The following SMC2 variants were observed in gnomAD, a reference collection of about 807,000 sequenced individuals.
SMC2 encodes the protein structural maintenance of chromosomes 2.
Under a neutral mutation model 142.6 loss-of-function variants are expected in SMC2, and 41 were observed. That is an observed-to-expected ratio of 0.29 (90% CI 0.22 to 0.37). The LOEUF (loss-of-function observed/expected upper bound fraction) is 0.37, where lower values mean the gene tolerates loss of function less well. Ranked by LOEUF, SMC2 falls within the 10% of genes least tolerant of loss-of-function variation. The pLI is 1.00. For missense variants in SMC2, 1,265 were observed against 1,373.7 expected, an observed-to-expected ratio of 0.92 and a Z score of 1.25; for synonymous variants, 463 against 457.5, an observed-to-expected ratio of 1.01 and a Z score of -0.15.
At chr9:104,090,514 GA>G (rs553852584), upstream of SMC2, among the ~76,000 whole-genome samples, 53 of 146,768 alleles carry the variant, frequency 3.6e-4, no homozygotes, top group African/African-American at 1.0e-3. Context: ...GATAGGGTGG[GA>G]AAAAAAAAAC....
rs774619405 is a variant in SMC2, at chr9:104,127,410, A to T, written c.2720A>T (p.Gln907Leu). The change falls in exon 20 of 25, where the codon CAG (glutamine) becomes CTG (leucine). Residue 907 changes from glutamine (Q) to leucine (L), a missense_variant. Transcript: ENST00000374793. ...AKHKEQNNDS[Q>L]LKIKELDHNI... ...CACAAGGAGCAAAACAATGATTCTC[A>T]GCTTAAAATTAAGGAATTAGACCAC... The T allele has an allele frequency of 6.2e-7, 1 of 1,613,426 alleles. No homozygotes were observed. The highest frequency in any genetic ancestry group is 2.2e-5 in the East Asian group (1 of 44,850).
At chr9:104,109,510 A>C (rs745775846) in intron 9 of SMC2, among the ~76,000 whole-genome samples, 1 of 152,320 alleles carries the variant, frequency 6.6e-6, no homozygotes, top group African/African-American at 2.4e-5. Context: ...TTGCCACTCT[A>C]TAGTCTGTTC....
At chr9:104,120,441 C>T (rs1833606103) in intron 16 of SMC2, among the ~76,000 whole-genome samples, 1 of 152,150 alleles carries the variant, frequency 6.6e-6, no homozygotes, top group Non-Finnish European at 1.5e-5. Context: ...TAAACTAGCA[C>T]TTGGCTAGGG....
At chr9:104,094,543 G>C in intron 1 of SMC2, 66 bp downstream of exon 1, 1 of 367,460 alleles carries the variant, frequency 2.7e-6, no homozygotes, top group Non-Finnish European at 4.8e-6. Context: ...GGCGGGAGGC[G>C]GGAGGCGGGG....
intron 24 of SMC2, 121 bp downstream of exon 24, chr9:104,138,286 A>T: frequency 1.4e-6 from 1 of 736,550 alleles, no homozygotes; most frequent in Non-Finnish European, 2.0e-6. Context: ...AAAGCATTGT[A>T]TATCTATTTA....
At chr9:104,110,754 G>C (rs1832345705) in intron 9 of SMC2, among the ~76,000 whole-genome samples, 1 of 152,152 alleles carries the variant, frequency 6.6e-6, no homozygotes, top group African/African-American at 2.4e-5. Flanking sequence ...TGCCCCACAA[G>C]TATTTGCGCA....
At chr9:104,105,807 A>G (rs892746256) in intron 9 of SMC2, among the ~76,000 whole-genome samples, 1 of 152,174 alleles carries the variant, frequency 6.6e-6, no homozygotes, top group Non-Finnish European at 1.5e-5. Context: ...CCTGTGGGCT[A>G]TGACAGAAAT....
intron 22 of SMC2, 67 bp from the exon 23 acceptor site, chr9:104,134,348 T>C (rs893925164): frequency 1.6e-6 from 2 of 1,228,192 alleles, no homozygotes; most frequent in Non-Finnish European, 1.1e-6. Flanking sequence ...TGCATATACA[T>C]ATATCAACAA....
At chr9:104,114,864 T>C in intron 13 of SMC2, 35 bp downstream of exon 13, 1 of 1,562,314 alleles carries the variant, frequency 6.4e-7, no homozygotes, top group Non-Finnish European at 8.7e-7. Flanking sequence ...ATTTAAAATT[T>C]GGTTAGCTTG....
At chr9:104,121,998 A>G (rs1246963261) in intron 16 of SMC2, among the ~76,000 whole-genome samples, 3 of 152,102 alleles carry the variant, frequency 2.0e-5, no homozygotes, top group Admixed American at 2.0e-4. Context: ...CAAGTGTTCT[A>G]TCCTTTTTAC....
intron 21 of SMC2, among the ~76,000 whole-genome samples, chr9:104,130,544 C>T (rs529454987): frequency 6.6e-5 from 10 of 152,132 alleles, no homozygotes; most frequent in East Asian, 1.9e-4. Flanking sequence ...GAGAAATCTG[C>T]GACACTGATA....
chr9:104,112,592 T>TAA (rs931434499), intron 10 of SMC2, among the ~76,000 whole-genome samples: 7 of 152,294 alleles, frequency 4.6e-5, no homozygotes, highest in African/African-American at 1.7e-4. Context: ...CACAAATTTA[T>TAA]AAGAACTCTC....
chr9:104,091,791 T>A (rs927737308), upstream of SMC2, among the ~76,000 whole-genome samples: 1 of 152,096 alleles, frequency 6.6e-6, no homozygotes, highest in Non-Finnish European at 1.5e-5. Context: ...TCCTTCCAGT[T>A]CCCTAGGAGA....
At chr9:104,124,541 T>C (rs1587974762) in intron 17 of SMC2, among the ~76,000 whole-genome samples, 2 of 152,056 alleles carry the variant, frequency 1.3e-5, no homozygotes, top group African/African-American at 4.8e-5. Flanking sequence ...TTACACACTT[T>C]CTAGCAACTA....
chr9:104,126,467 A>G (rs549628741), intron 18 of SMC2, among the ~76,000 whole-genome samples, 174 bp from the exon 19 acceptor site: 1 of 151,152 alleles, frequency 6.6e-6, no homozygotes, highest in East Asian at 1.9e-4. Context: ...TGATATAGGA[A>G]AATAAACTTC....
At chr9:104,114,955 A>T in intron 13 of SMC2, 126 bp downstream of exon 13, 1 of 662,690 alleles carries the variant, frequency 1.5e-6, no homozygotes, top group South Asian at 3.9e-5. Context: ...ATAGGGTAAA[A>T]CTATTTGGTT....
intron 18 of SMC2, 151 bp from the exon 19 acceptor site, chr9:104,126,490 A>G: frequency 2.2e-6 from 1 of 461,396 alleles, no homozygotes; most frequent in Non-Finnish European, 3.6e-6. Flanking sequence ...TTTCTGGGGA[A>G]GCAGCTTAAC....
intron 4 of SMC2, 26 bp downstream of exon 4, chr9:104,098,594 A>G: frequency 6.4e-7 from 1 of 1,571,862 alleles, no homozygotes; most frequent in Non-Finnish European, 8.6e-7. Flanking sequence ...TCTTTATATC[A>G]CTTTCGTAAT....
In SMC2 at chr9:104,129,659, G is replaced by T; in HGVS notation, c.2805G>T (p.Leu935Phe). The T allele has an allele frequency of 6.2e-7, 1 of 1,613,778 alleles. No homozygotes were observed. Among genetic ancestry groups the T allele is most frequent in the Non-Finnish European group, 8.5e-7 (1 of 1,179,794 alleles). ...TATGTGGCTAGGTATCCAAAATGTT[G>T]AAAGATTATGACTGGATTAATGCAG... is the stretch of plus-strand genomic sequence containing the variant. ...EDGAAKVSKMLKDYDWINAER... is the reference protein window; with the variant it reads ...EDGAAKVSKMFKDYDWINAER... The change falls in exon 21 of 25, where the codon TTG (leucine) becomes TTT (phenylalanine). Residue 935 changes from leucine to phenylalanine, a missense_variant. Around this residue, in one of 4 missense-constraint regions of SMC2, gnomAD observed 898 missense variants for 904.2 expected, o/e 0.99. Transcript: ENST00000374793.
Sources: allele counts gnomAD v4.1 joint callset (sites outside exome capture counted in the v4.1 genomes callset), GRCh38; gene constraint gnomAD v4.1.1; regional missense constraint gnomAD v4.1.1; transcripts MANE v1.5; gene names NCBI Gene and HGNC (gene_info 2026-07-23, HGNC 2026-07-21).